Variants in SEMA6D observed in about 807,000 individuals in gnomAD.
SEMA6D encodes the protein semaphorin-6D.
SEMA6D carries 35 observed loss-of-function variants against 106.6 expected under a neutral mutation model. The observed-to-expected ratio is 0.33, with a 90% CI of 0.25 to 0.44. SEMA6D has a LOEUF of 0.44. SEMA6D is among the 20% of genes least tolerant of loss of function. The probability of loss-of-function intolerance (pLI) is 1.00; values close to 1 mark genes in which losing one functional copy is unlikely to be tolerated. For missense variants in SEMA6D, 1,185 were observed against 1,345.9 expected (o/e 0.88, Z 1.87); for synonymous variants, 499 against 487.7 (o/e 1.02, Z -0.31).
At chr15:47,523,460 A>G (rs1396321006) in intron 3 of SEMA6D, among the ~76,000 whole-genome samples, 2 of 151,960 alleles carry the variant, frequency 1.3e-5, no homozygotes, top group Non-Finnish European at 2.9e-5. Context: ...GGGAAGAAAC[A>G]CCAATGTTCC....
At chr15:47,659,603 T>A (rs1365544762) in intron 4 of SEMA6D, among the ~76,000 whole-genome samples, 4 of 152,034 alleles carry the variant, frequency 2.6e-5, no homozygotes, top group South Asian at 2.1e-4. Context: ...AATTTGTTTA[T>A]AAAAATCAAA....
Position 47,326,483 on chromosome 15 carries a change from A to G in SEMA6D, c.-238-85910A>G, listed in dbSNP as rs1300122682. On this transcript the variant is annotated intron_variant, in intron 1 of 19. Transcript: ENST00000558014. The stretch of plus-strand genomic sequence containing the variant: ...GAAGATCAGAATTGCAAACAGGTCA[A>G]ATGTGAAGCACATCTTTCTCTTCCT... Among the ~76,000 whole-genome samples the G allele has an allele frequency of 2.0e-5, 3 of 152,242 alleles. No homozygotes were observed. The South Asian group carries it at 6.2e-4, about 32-fold the overall frequency.
intron 1 of SEMA6D, among the ~76,000 whole-genome samples, chr15:47,219,894 C>A (rs745340148): frequency 1.3e-5 from 2 of 152,138 alleles, no homozygotes; most frequent in East Asian, 3.9e-4. Context: ...GCAGCTTTAG[C>A]GATCTTAGTT....
chr15:47,244,914 G>C (rs909266435), intron 1 of SEMA6D, among the ~76,000 whole-genome samples: 4 of 151,952 alleles, frequency 2.6e-5, no homozygotes, highest in African/African-American at 9.7e-5. Flanking sequence ...AGTACCCAAT[G>C]TTTAGCTCCC....
chr15:47,493,020 A>C (rs1303866632), intron 3 of SEMA6D, among the ~76,000 whole-genome samples: 2 of 152,130 alleles, frequency 1.3e-5, no homozygotes, highest in Non-Finnish European at 2.9e-5. Flanking sequence ...CATCCAACCC[A>C]CCATGCTAAG....
rs2045295985 is a variant in SEMA6D, at chr15:47,539,684, A to G, written c.-86-61181A>G. Among the ~76,000 whole-genome samples the G allele has an allele frequency of 2.6e-5, 4 of 152,168 alleles. 1 individual carries two copies. The highest frequency in any genetic ancestry group is 4.1e-4 in the South Asian group (2 of 4,822). The stretch of plus-strand genomic sequence containing the variant: ...GTGATCCACCCACCTTCGCCTCCCA[A>G]CTGGCTGAGTCTTATACCAAGGAAA... On this transcript the variant is annotated intron_variant, in intron 3 of 19. Coordinates refer to the SEMA6D transcript ENST00000558014.
At chr15:47,431,909 G>A (rs2041541104) in intron 2 of SEMA6D, among the ~76,000 whole-genome samples, 3 of 152,020 alleles carry the variant, frequency 2.0e-5, no homozygotes, top group Admixed American at 2.0e-4. Flanking sequence ...AGTGTCTTCT[G>A]TGTATGCACA....
At chr15:47,283,702 G>A (rs1052145835) in intron 1 of SEMA6D, among the ~76,000 whole-genome samples, 1 of 152,082 alleles carries the variant, frequency 6.6e-6, no homozygotes, top group African/African-American at 2.4e-5. Context: ...ACAATTTGAG[G>A]CTACACCAGA....
chr15:47,337,910 C>G (rs2037635082), intron 1 of SEMA6D, among the ~76,000 whole-genome samples: 1 of 152,126 alleles, frequency 6.6e-6, no homozygotes, highest in African/African-American at 2.4e-5. Flanking sequence ...CCCAAATCAC[C>G]TCAACAATTT....
At chr15:47,703,659 T>C (rs1415148238) in intron 4 of SEMA6D, among the ~76,000 whole-genome samples, 1 of 152,158 alleles carries the variant, frequency 6.6e-6, no homozygotes, top group Non-Finnish European at 1.5e-5. Context: ...ATTAATATTA[T>C]TATATAGATA....
chr15:47,452,330 A>C (rs1201150492), intron 2 of SEMA6D, among the ~76,000 whole-genome samples: 1 of 151,958 alleles, frequency 6.6e-6, no homozygotes, highest in East Asian at 1.9e-4. Flanking sequence ...CAAAAAAAAA[A>C]AAAAACTGGA....
chr15:47,579,934 A>G (rs1196106998), intron 3 of SEMA6D, among the ~76,000 whole-genome samples: 2 of 152,210 alleles, frequency 1.3e-5, no homozygotes, highest in African/African-American at 4.8e-5. Context: ...TCGTAGGTTC[A>G]GAATTTAAAT....
intron 2 of SEMA6D, among the ~76,000 whole-genome samples, chr15:47,425,716 G>A (rs2059476): frequency 0.5 from 74,636 of 149,458 alleles, 19,376 homozygotes; most frequent in South Asian, 0.63. Flanking sequence ...TGTTACCCGG[G>A]CTGGAGTGCG....
intron 1 of SEMA6D, among the ~76,000 whole-genome samples, chr15:47,315,035 T>G (rs188929238): frequency 0.031 from 4,742 of 150,950 alleles, 101 homozygotes; most frequent in Middle Eastern, 0.055. Context: ...CCGGCTAATT[T>G]TTTTGTATTT....
chr15:47,233,645 T>G (rs2032355857), intron 1 of SEMA6D, among the ~76,000 whole-genome samples: 2 of 152,038 alleles, frequency 1.3e-5, no homozygotes, highest in African/African-American at 4.8e-5. Context: ...TTACTTAAGT[T>G]TGTTCCTGGG....
chr15:47,427,897 T>C (rs2041393960), intron 2 of SEMA6D, among the ~76,000 whole-genome samples: 1 of 152,128 alleles, frequency 6.6e-6, no homozygotes, highest in Admixed American at 6.6e-5. Context: ...GTTCTCTTAC[T>C]CTCTCTTTCT....
chr15:47,442,969 C>T (rs2041926215), intron 2 of SEMA6D, among the ~76,000 whole-genome samples: 4 of 152,090 alleles, frequency 2.6e-5, no homozygotes, highest in Admixed American at 2.6e-4. Flanking sequence ...TAGTATTCTC[C>T]AGAACCCAAA....
At chr15:47,550,535 A>G (rs2045653814) in intron 3 of SEMA6D, among the ~76,000 whole-genome samples, 2 of 152,158 alleles carry the variant, frequency 1.3e-5, no homozygotes, top group Admixed American at 1.3e-4. Flanking sequence ...CAGCCAAGGA[A>G]TCTGAGTGTG....
intron 1 of SEMA6D, among the ~76,000 whole-genome samples, chr15:47,746,947 A>G (rs1218579975): frequency 7.1e-6 from 1 of 140,686 alleles, no homozygotes; most frequent in African/African-American, 2.5e-5. Flanking sequence ...ACGATTGTTC[A>G]TTTCTGCCAC....
Sources: gnomAD v4.1 joint callset for allele counts (sites outside exome capture counted in the v4.1 genomes callset) on GRCh38, gnomAD v4.1.1 for gene constraint, MANE v1.5 for transcripts, NCBI Gene and HGNC (gene_info 2026-07-23, HGNC 2026-07-21) for gene names.